The following PCDH9 variants were observed in gnomAD, a reference collection of about 807,000 sequenced individuals.
PCDH9 encodes the protein protocadherin-9.
A neutral mutation model predicts 70.6 loss-of-function variants in PCDH9; 24 were observed. That is an observed-to-expected ratio of 0.34 (90% CI 0.25 to 0.48). PCDH9 has a LOEUF of 0.48. Ranked by LOEUF, PCDH9 falls within the 20% of genes least tolerant of loss-of-function variation. The probability of loss-of-function intolerance (pLI) is 0.99; values close to 1 mark genes in which losing one functional copy is unlikely to be tolerated. For synonymous variants in PCDH9, 562 were observed against 558.5 expected, an observed-to-expected ratio of 1.01 and a Z score of -0.09; for missense variants, 1,281 against 1,503.6, an observed-to-expected ratio of 0.85 and a Z score of 2.45.
intron 3 of PCDH9, among the ~76,000 whole-genome samples, chr13:66,709,874 T>G (rs2078768938): frequency 6.6e-6 from 1 of 152,128 alleles, no homozygotes; most frequent in South Asian, 2.1e-4. Flanking sequence ...TCTCCCATCA[T>G]TTAAGAAGAA....
chr13:66,836,377 T>A (rs934737053), intron 3 of PCDH9, among the ~76,000 whole-genome samples: 2 of 152,192 alleles, frequency 1.3e-5, no homozygotes, highest in African/African-American at 4.8e-5. Context: ...TTAAATATTA[T>A]TTTCATGTAT....
chr13:66,410,721 T>A (rs1957356284), intron 4 of PCDH9, among the ~76,000 whole-genome samples: 1 of 152,200 alleles, frequency 6.6e-6, no homozygotes, highest in South Asian at 2.1e-4. Flanking sequence ...TGGAAGAGAT[T>A]ATGACTTAGA....
chr13:66,759,093 AT>A (rs893805530), intron 3 of PCDH9, among the ~76,000 whole-genome samples: 93 of 151,804 alleles, frequency 6.1e-4, no homozygotes, highest in African/African-American at 1.9e-3. Flanking sequence ...AATCTTTTCT[AT>A]TTTTTAATCT....
chr13:66,370,295 A>G (rs1484390674), intron 4 of PCDH9, among the ~76,000 whole-genome samples: 1 of 151,984 alleles, frequency 6.6e-6, no homozygotes, highest in African/African-American at 2.4e-5. Flanking sequence ...GTAGAAGCTT[A>G]ACTTGGATAA....
At chr13:66,603,814 C>A (rs2077191103) in intron 4 of PCDH9, among the ~76,000 whole-genome samples, 1 of 151,868 alleles carries the variant, frequency 6.6e-6, no homozygotes, top group Non-Finnish European at 1.5e-5. Flanking sequence ...TGTAATTATG[C>A]AGTCTAAAAT....
rs534401039 is a variant in PCDH9 at position 66,805,157 on chromosome 13, C to T, written c.3138+98347G>A. Among the ~76,000 whole-genome samples, 51 of 152,256 alleles carry T rather than the reference C, an allele frequency of 3.3e-4. No homozygotes were observed. In the Middle Eastern group the frequency reaches 0.01, roughly 30 times the overall value. On this transcript the variant is annotated intron_variant, in intron 3 of 4. Coordinates refer to ENST00000377865, the MANE Select transcript of PCDH9 (RefSeq NM_203487.3). ...TTCATTCCATGATACTGTACAGAGCCAACTTTGTTCAATGTTACATAAAGT... is the reference window on the plus strand; with the variant it reads ...TTCATTCCATGATACTGTACAGAGCTAACTTTGTTCAATGTTACATAAAGT...
intron 3 of PCDH9, among the ~76,000 whole-genome samples, chr13:66,849,163 T>C (rs2081266515): frequency 1.3e-5 from 2 of 151,992 alleles, no homozygotes. Flanking sequence ...CATGGTAATA[T>C]ATTGATGATA....
intron 2 of PCDH9, among the ~76,000 whole-genome samples, chr13:67,112,547 T>C (rs767063836): frequency 6.6e-5 from 10 of 152,302 alleles, no homozygotes; most frequent in East Asian, 5.8e-4. Context: ...ATTAAGGTGC[T>C]ATCAAAGAAT....
chr13:66,905,669 TC>T (rs1055470319), intron 2 of PCDH9, among the ~76,000 whole-genome samples: 1 of 151,744 alleles, frequency 6.6e-6, no homozygotes, highest in Non-Finnish European at 1.5e-5. Flanking sequence ...ATTGTTTTTT[TC>T]CCCCATGGAT....
At chr13:66,319,300 G>A (rs987566385) in intron 4 of PCDH9, among the ~76,000 whole-genome samples, 1 of 152,160 alleles carries the variant, frequency 6.6e-6, no homozygotes, top group African/African-American at 2.4e-5. Flanking sequence ...TTTGAGATGA[G>A]ATTTGGGTGG....
At chr13:66,415,147 T>G (rs1368900862) in intron 4 of PCDH9, among the ~76,000 whole-genome samples, 1 of 152,148 alleles carries the variant, frequency 6.6e-6, no homozygotes, top group African/African-American at 2.4e-5. Flanking sequence ...ATATTAATTT[T>G]AAAAACTAGC....
intron 4 of PCDH9, among the ~76,000 whole-genome samples, chr13:66,409,169 G>A (rs996917069): frequency 1.3e-5 from 2 of 151,900 alleles, no homozygotes; most frequent in Admixed American, 1.3e-4. Flanking sequence ...AAAAAAAAAG[G>A]AGCCAGGTGG....
At chr13:66,356,962 C>T (rs9540724) in intron 4 of PCDH9, among the ~76,000 whole-genome samples, 66,186 of 151,704 alleles carry the variant, frequency 0.44, 16,015 homozygotes, top group East Asian at 0.62. Flanking sequence ...AAAGCAAGCC[C>T]GGCAATGCAC....
At chr13:67,104,618 G>A (rs368848163) in intron 2 of PCDH9, among the ~76,000 whole-genome samples, 2 of 151,524 alleles carry the variant, frequency 1.3e-5, no homozygotes, top group South Asian at 2.1e-4. Flanking sequence ...GTGCAATCTC[G>A]GCTCACTGCA....
intron 2 of PCDH9, among the ~76,000 whole-genome samples, chr13:66,951,292 T>A (rs1479013915): frequency 1.3e-5 from 2 of 151,994 alleles, no homozygotes; most frequent in African/African-American, 4.8e-5. Flanking sequence ...CATCCAAGGG[T>A]TCAGTGAATG....
Position 66,347,509 on chromosome 13 carries a change from C to T in PCDH9, c.3341-42481G>A, listed in dbSNP as rs145396295. ...AACAAAAAACATTATTTTTTTGCACCACTTCCCAAAAAACATCACTTCAGA... is the reference window on the plus strand; with the variant it reads ...AACAAAAAACATTATTTTTTTGCACTACTTCCCAAAAAACATCACTTCAGA... On this transcript the variant is annotated intron_variant, in intron 4 of 4. Coordinates refer to ENST00000377865, the MANE Select transcript of PCDH9 (RefSeq NM_203487.3). Among the ~76,000 whole-genome samples the T allele has an allele frequency of 9.2e-5, 14 of 151,854 alleles. No individual in the cohort carries two copies. In the East Asian group the frequency reaches 2.7e-3, roughly 29 times the overall value.
At chr13:67,180,458 T>C (rs2088586194) in intron 2 of PCDH9, among the ~76,000 whole-genome samples, 1 of 152,180 alleles carries the variant, frequency 6.6e-6, no homozygotes, top group South Asian at 2.1e-4. Context: ...GACATGGTTC[T>C]GCTGTTATTA....
intron 3 of PCDH9, among the ~76,000 whole-genome samples, chr13:66,632,622 C>T (rs1021770799): frequency 2.6e-5 from 4 of 152,064 alleles, no homozygotes; most frequent in Admixed American, 6.6e-5. Context: ...TTTAATGTTT[C>T]CTCAGCACAG....
intron 2 of PCDH9, among the ~76,000 whole-genome samples, chr13:66,904,062 T>A (rs988288212): frequency 6.6e-6 from 1 of 151,930 alleles, no homozygotes; most frequent in African/African-American, 2.4e-5. Flanking sequence ...TTGCCCAGCC[T>A]TTTGGGAACC....
Sources: allele counts gnomAD v4.1 joint callset (sites outside exome capture counted in the v4.1 genomes callset), GRCh38; gene constraint gnomAD v4.1.1; transcripts MANE v1.5; gene names NCBI Gene and HGNC (gene_info 2026-07-23, HGNC 2026-07-21).